Variants in TAFA1 observed in about 807,000 individuals in gnomAD.
TAFA1 encodes chemokine-like protein TAFA-1.
In TAFA1, 4 loss-of-function variants were observed where a neutral mutation model predicts 18.5. That is an observed-to-expected ratio of 0.22 (90% CI 0.11 to 0.49). The LOEUF (loss-of-function observed/expected upper bound fraction) is 0.49, where lower values mean the gene tolerates loss of function less well. TAFA1 is among the 20% of genes least tolerant of loss of function. TAFA1 has a pLI of 0.98. For synonymous variants in TAFA1, 56 were observed against 55.2 expected, an observed-to-expected ratio of 1.01 and a Z score of -0.06; for missense variants, 147 against 169.0, an observed-to-expected ratio of 0.87 and a Z score of 0.72.
intron 2 of TAFA1, among the ~76,000 whole-genome samples, chr3:68,055,428 A>G (rs553918798): frequency 1.9e-4 from 29 of 152,122 alleles, no homozygotes; most frequent in Non-Finnish European, 3.4e-4. Flanking sequence ...AGGGTACAGA[A>G]CTCTCAAAGT....
intron 2 of TAFA1, among the ~76,000 whole-genome samples, chr3:68,110,222 G>C (rs773869030): frequency 6.6e-6 from 1 of 152,180 alleles, no homozygotes; most frequent in Admixed American, 6.5e-5. Context: ...GTGACAACAC[G>C]TGGTGTTTGT....
intron 2 of TAFA1, among the ~76,000 whole-genome samples, chr3:68,051,938 C>A (rs1452292619): frequency 3.9e-5 from 6 of 152,040 alleles, no homozygotes; most frequent in Non-Finnish European, 8.8e-5. Flanking sequence ...TCTATAATTT[C>A]TATGAATATA....
chr3:68,515,332 A>C (rs1336279143), intron 3 of TAFA1, among the ~76,000 whole-genome samples: 1 of 152,204 alleles, frequency 6.6e-6, no homozygotes, highest in African/African-American at 2.4e-5. Context: ...CAGCTTCAGC[A>C]GGAGAGGAAT....
At position 68,262,349 on chromosome 3, in the gene TAFA1, A is replaced by ATATATT. The variant is rs55652619; in HGVS notation, c.119-154926_119-154925insTTATAT. On this transcript the variant is annotated intron_variant, in intron 2 of 4. Transcript: ENST00000478136. The stretch of plus-strand genomic sequence containing the variant: ...TATATATATATATATATATATATAT[A>ATATATT]TATATATATTTCATGGGTATATTGA... Among the ~76,000 whole-genome samples the ATATATT allele has an allele frequency of 9.8e-3, 774 of 78,684 alleles. 47 individuals are homozygous for ATATATT. The highest frequency in any genetic ancestry group is 0.013 in the Non-Finnish European group (532 of 40,846). The allele number at this position is 78,684 out of a possible 152,430, so 51.6% of individuals were successfully genotyped here. A position where few individuals can be genotyped will look rare whatever the true frequency, so the allele number is the denominator to read the frequency against.
intron 2 of TAFA1, among the ~76,000 whole-genome samples, chr3:68,319,651 C>A (rs1443452092): frequency 6.6e-6 from 1 of 152,220 alleles, no homozygotes; most frequent in Non-Finnish European, 1.5e-5. Flanking sequence ...AAGTTAAATT[C>A]ATTCTTGGCT....
At chr3:68,441,886 A>C (rs1417152842) in intron 3 of TAFA1, among the ~76,000 whole-genome samples, 1 of 152,230 alleles carries the variant, frequency 6.6e-6, no homozygotes, top group Non-Finnish European at 1.5e-5. Flanking sequence ...GAAGGACAGC[A>C]GTGAAGGGAT....
Position 68,050,669 on chromosome 3 carries a change from C to T in TAFA1, c.118+43925C>T, listed in dbSNP as rs149566884. On this transcript the variant is annotated intron_variant, in intron 2 of 4. Transcript: ENST00000478136. Reference sequence around the variant, plus strand: ...GGGCTGGATTCAAGTTCTGGCTCTGCCACTTACTATTTAAGAGGCCAGATT... The same window carrying T: ...GGGCTGGATTCAAGTTCTGGCTCTGTCACTTACTATTTAAGAGGCCAGATT... 9.7e-3 allele frequency among the ~76,000 whole-genome samples: 1,477 copies of T among 152,208 alleles called. 34 individuals are homozygous for T. The highest frequency in any genetic ancestry group is 0.034 in the African/African-American group (1,407 of 41,540).
intron 2 of TAFA1, among the ~76,000 whole-genome samples, chr3:68,170,378 C>T (rs2066037410): frequency 6.6e-6 from 1 of 152,170 alleles, no homozygotes; most frequent in Non-Finnish European, 1.5e-5. Flanking sequence ...TTTCTCTGTG[C>T]AAACAGCCCT....
intron 2 of TAFA1, among the ~76,000 whole-genome samples, chr3:68,072,504 A>G (rs1381924535): frequency 2.0e-5 from 3 of 152,188 alleles, no homozygotes; most frequent in African/African-American, 7.2e-5. Context: ...TGACAAGTTA[A>G]GCAGACCTGC....
At chr3:68,111,387 G>A (rs2065260505) in intron 2 of TAFA1, among the ~76,000 whole-genome samples, 1 of 151,980 alleles carries the variant, frequency 6.6e-6, no homozygotes, top group African/African-American at 2.4e-5. Flanking sequence ...ATATATAGAT[G>A]AAGAGTGAGT....
intron 2 of TAFA1, among the ~76,000 whole-genome samples, chr3:68,175,861 C>A (rs540676259): frequency 6.6e-6 from 1 of 152,038 alleles, no homozygotes; most frequent in East Asian, 1.9e-4. Context: ...TGTCCCCACC[C>A]GAGTATCATC....
At chr3:68,453,507 A>G (rs544467018) in intron 3 of TAFA1, among the ~76,000 whole-genome samples, 2 of 152,298 alleles carry the variant, frequency 1.3e-5, no homozygotes, top group South Asian at 4.1e-4. Flanking sequence ...GAGAGGAGGT[A>G]TGTAGTGGTT....
intron 2 of TAFA1, among the ~76,000 whole-genome samples, chr3:68,325,593 A>G (rs1354495456): frequency 6.6e-6 from 1 of 152,148 alleles, no homozygotes; most frequent in Non-Finnish European, 1.5e-5. Context: ...TTACATAGGC[A>G]TATCAAATAA....
intron 2 of TAFA1, among the ~76,000 whole-genome samples, chr3:68,351,462 A>T (rs527837002): frequency 4.1e-4 from 62 of 152,186 alleles, no homozygotes; most frequent in African/African-American, 1.4e-3. Context: ...ATAGGTTTGT[A>T]GTTAAAATGG....
chr3:68,116,970 C>T (rs1372315025), intron 2 of TAFA1, among the ~76,000 whole-genome samples: 1 of 152,174 alleles, frequency 6.6e-6, no homozygotes, highest in Non-Finnish European at 1.5e-5. Context: ...ACTGTCTGCC[C>T]CTTTACAGAA....
chr3:68,394,142 A>G (rs947309199), intron 2 of TAFA1, among the ~76,000 whole-genome samples: 1 of 152,200 alleles, frequency 6.6e-6, no homozygotes, highest in African/African-American at 2.4e-5. Flanking sequence ...AATCACAAGC[A>G]TTCCTGTACA....
chr3:68,323,675 T>C (rs1416581676), intron 2 of TAFA1, among the ~76,000 whole-genome samples: 20 of 152,172 alleles, frequency 1.3e-4, no homozygotes, highest in Admixed American at 1.3e-3. Context: ...ATACAAATAT[T>C]GTATATTCCT....
chr3:68,141,751 A>G (rs2065669736), intron 2 of TAFA1, among the ~76,000 whole-genome samples: 1 of 152,214 alleles, frequency 6.6e-6, no homozygotes, highest in African/African-American at 2.4e-5. Context: ...CAAACATTGA[A>G]AGAGATAGAG....
intron 3 of TAFA1, among the ~76,000 whole-genome samples, chr3:68,528,524 C>T (rs1368672288): frequency 1.3e-5 from 2 of 152,274 alleles, no homozygotes; most frequent in African/African-American, 4.8e-5. Flanking sequence ...AAGACAATAA[C>T]ACACTGGGAG....
Sources: allele counts gnomAD v4.1 joint callset (sites outside exome capture counted in the v4.1 genomes callset), GRCh38; gene constraint gnomAD v4.1.1; transcripts MANE v1.5; gene names NCBI Gene and HGNC (gene_info 2026-07-23, HGNC 2026-07-21).